The following NRXN3 variants were observed in gnomAD, a reference collection of about 807,000 sequenced individuals.
The protein encoded by NRXN3 is neurexin III.
NRXN3 carries 32 observed loss-of-function variants against 137.6 expected under a neutral mutation model. The observed-to-expected ratio is 0.23, with a 90% CI of 0.18 to 0.31. The LOEUF (loss-of-function observed/expected upper bound fraction) is 0.31, where lower values mean the gene tolerates loss of function less well. NRXN3 is among the 10% of genes least tolerant of loss of function. The probability of loss-of-function intolerance (pLI) is 1.00; values close to 1 mark genes in which losing one functional copy is unlikely to be tolerated. For missense variants in NRXN3, 1,574 were observed against 2,062.5 expected, an observed-to-expected ratio of 0.76 and a Z score of 4.59; for synonymous variants, 798 against 784.5, an observed-to-expected ratio of 1.02 and a Z score of -0.29.
chr14:79,631,174 T>A (rs1209601161), intron 16 of NRXN3, among the ~76,000 whole-genome samples: 1 of 152,238 alleles, frequency 6.6e-6, no homozygotes, highest in Non-Finnish European at 1.5e-5. Flanking sequence ...CTCATGCATG[T>A]CATACTCTAA....
chr14:79,555,363 G>C (rs574991682), intron 16 of NRXN3, among the ~76,000 whole-genome samples: 3 of 152,072 alleles, frequency 2.0e-5, no homozygotes, highest in Non-Finnish European at 4.4e-5. Flanking sequence ...ACACTACTTG[G>C]TGTTTTATCC....
chr14:78,974,901 T>C (rs773478330), intron 14 of NRXN3, among the ~76,000 whole-genome samples: 5 of 152,124 alleles, frequency 3.3e-5, no homozygotes, highest in Non-Finnish European at 7.4e-5. Flanking sequence ...TAGACAAAAA[T>C]GTATTCAGAA....
chr14:79,370,260 T>C (rs570929820), intron 15 of NRXN3, among the ~76,000 whole-genome samples: 3 of 152,264 alleles, frequency 2.0e-5, no homozygotes, highest in African/African-American at 7.2e-5. Context: ...ATCTCTGTTT[T>C]ATAGAACAAC....
intron 1 of NRXN3, among the ~76,000 whole-genome samples, chr14:78,189,617 T>G (rs2060532779): frequency 3.3e-5 from 5 of 152,094 alleles, no homozygotes. Context: ...GATGGAGTCT[T>G]GTTCTGTCGC....
At chr14:78,312,790 T>C (rs1038227893) in intron 4 of NRXN3, among the ~76,000 whole-genome samples, 1 of 152,166 alleles carries the variant, frequency 6.6e-6, no homozygotes, top group Admixed American at 6.5e-5. Context: ...TCAGACTGTT[T>C]TGATCACGAG....
intron 8 of NRXN3, among the ~76,000 whole-genome samples, chr14:78,778,758 C>CTCTTTCTTT (rs2098755832): frequency 1.0e-5 from 1 of 97,126 alleles, no homozygotes; most frequent in Non-Finnish European, 2.0e-5. Context: ...TTCCTTCTTT[C>CTCTTTCTTT]TCTTTCTTTC....
At chr14:78,192,742 A>G (rs1329219059) in intron 1 of NRXN3, among the ~76,000 whole-genome samples, 1 of 152,208 alleles carries the variant, frequency 6.6e-6, no homozygotes, top group Non-Finnish European at 1.5e-5. Flanking sequence ...GTGTGGCTCC[A>G]GAATGCTGGG....
chr14:79,853,158 G>A (rs953209669), intron 20 of NRXN3, among the ~76,000 whole-genome samples: 7 of 152,058 alleles, frequency 4.6e-5, no homozygotes, highest in Non-Finnish European at 4.4e-5. Context: ...CCAGTGCGTG[G>A]GCCCCCTGCT....
At chr14:79,369,922 TG>T (rs1435729336) in intron 15 of NRXN3, among the ~76,000 whole-genome samples, 1 of 152,224 alleles carries the variant, frequency 6.6e-6, no homozygotes, top group Non-Finnish European at 1.5e-5. Context: ...GTCACTATGC[TG>T]CCCCCATTCT....
intron 16 of NRXN3, among the ~76,000 whole-genome samples, chr14:79,554,062 T>A (rs2097402798): frequency 6.6e-6 from 1 of 152,148 alleles, no homozygotes; most frequent in African/African-American, 2.4e-5. Flanking sequence ...TATATTTTAA[T>A]GTAAAATACC....
At chr14:78,372,110 CT>C (rs1331009554) in intron 4 of NRXN3, among the ~76,000 whole-genome samples, 9 of 149,862 alleles carry the variant, frequency 6.0e-5, no homozygotes, top group East Asian at 2.0e-4. Flanking sequence ...TATTTTCTTT[CT>C]TTTTTTTTAA....
intron 15 of NRXN3, among the ~76,000 whole-genome samples, chr14:79,461,539 G>A (rs1011443322): frequency 6.6e-6 from 1 of 152,180 alleles, no homozygotes; most frequent in Non-Finnish European, 1.5e-5. Context: ...AAGAAATTGA[G>A]AAAATGTATT....
intron 4 of NRXN3, among the ~76,000 whole-genome samples, chr14:78,326,337 A>G (rs2080077965): frequency 6.6e-6 from 1 of 152,140 alleles, no homozygotes; most frequent in Non-Finnish European, 1.5e-5. Flanking sequence ...CTGAGAGGAG[A>G]GTCATGAGTC....
chr14:79,769,247 C>T (rs1397396021), intron 19 of NRXN3, among the ~76,000 whole-genome samples: 4 of 149,780 alleles, frequency 2.7e-5, no homozygotes, highest in East Asian at 3.9e-4. Context: ...GGCAGGCCAA[C>T]GTTCAGATTC....
intron 4 of NRXN3, among the ~76,000 whole-genome samples, chr14:78,415,760 A>G (rs530179410): frequency 7.2e-5 from 11 of 152,190 alleles, no homozygotes; most frequent in African/African-American, 2.4e-4. Context: ...AAGTCATGAC[A>G]TTGGAGCACT....
At chr14:78,866,638 T>C (rs2099087404) in intron 10 of NRXN3, among the ~76,000 whole-genome samples, 1 of 151,990 alleles carries the variant, frequency 6.6e-6, no homozygotes, top group Admixed American at 6.6e-5. Flanking sequence ...TTCCTACTGA[T>C]AGATTAACCT....
intron 4 of NRXN3, among the ~76,000 whole-genome samples, chr14:78,491,320 G>C (rs985278588): frequency 6.6e-6 from 1 of 152,078 alleles, no homozygotes; most frequent in African/African-American, 2.4e-5. Context: ...TTCTGGTCAA[G>C]TCCTTCCTGC....
At chr14:79,425,857 A>G (rs2095647825) in intron 15 of NRXN3, among the ~76,000 whole-genome samples, 1 of 152,266 alleles carries the variant, frequency 6.6e-6, no homozygotes, top group African/African-American at 2.4e-5. Context: ...CTAGGCCTCT[A>G]TTTCTGGTCT....
chr14:79,682,364 A>T (rs1346212699), intron 17 of NRXN3, among the ~76,000 whole-genome samples: 1 of 152,142 alleles, frequency 6.6e-6, no homozygotes, highest in Non-Finnish European at 1.5e-5. Flanking sequence ...TGCCAAGTAG[A>T]ATTAACGAGG....
Sources: allele counts gnomAD v4.1 joint callset (sites outside exome capture counted in the v4.1 genomes callset), GRCh38; gene constraint gnomAD v4.1.1; transcripts MANE v1.5; gene names NCBI Gene and HGNC (gene_info 2026-07-23, HGNC 2026-07-21).